The following PTPRS variants were observed in gnomAD, a reference collection of about 807,000 sequenced individuals.
The protein encoded by PTPRS is receptor-type tyrosine-protein phosphatase S.
Under a neutral mutation model 215.3 loss-of-function variants are expected in PTPRS, and 63 were observed. The observed-to-expected ratio is 0.29, with a 90% CI of 0.24 to 0.36. The LOEUF (loss-of-function observed/expected upper bound fraction) is 0.36, where lower values mean the gene tolerates loss of function less well. PTPRS is among the 10% of genes least tolerant of loss of function. The pLI, the probability that PTPRS is intolerant of heterozygous loss-of-function variation, is 1.00. For synonymous variants in PTPRS, 1,404 were observed against 1,191.4 expected (o/e 1.18, Z -3.68); for missense variants, 2,258 against 2,825.8 (o/e 0.80, Z 4.56).
chr19:5,318,492 T>C (rs1339884902), intron 1 of PTPRS, among the ~76,000 whole-genome samples: 1 of 152,120 alleles, frequency 6.6e-6, no homozygotes, highest in Non-Finnish European at 1.5e-5. Context: ...GTGACTCGAC[T>C]CTCTAGGCCT....
chr19:5,220,266 C>T lies in PTPRS; in HGVS notation c.3543G>A (p.Leu1181=), dbSNP rs1416005666. The T allele has an allele frequency of 6.2e-7, 1 of 1,613,844 alleles. No homozygotes were observed. Among genetic ancestry groups the T allele is most frequent in the Non-Finnish European group, 8.5e-7 (1 of 1,179,938 alleles). Residue 1181 remains leucine, a synonymous_variant, in exon 21 of 38, where the codon CTG becomes CTA. Coordinates refer to ENST00000262963, the MANE Select transcript of PTPRS (RefSeq NM_002850.4). ...TTGGGCCCCAGGCCCTCACCTCTTCCAGATCCATGTCCTCTGGGCTACCCA... is the reference window on the plus strand; with the variant it reads ...TTGGGCCCCAGGCCCTCACCTCTTCTAGATCCATGTCCTCTGGGCTACCCA... ...TPLGSPEDMD[L]EELIQDISRL... is the part of the protein sequence containing the mutation.
At chr19:5,329,763 T>TC (rs1326008313) in intron 1 of PTPRS, among the ~76,000 whole-genome samples, 44 of 135,690 alleles carry the variant, frequency 3.2e-4, no homozygotes, top group African/African-American at 1.1e-3. Flanking sequence ...ACACTCCATC[T>TC]CCTAAAAAAA....
At chr19:5,334,605 A>G (rs2050433538) in intron 1 of PTPRS, among the ~76,000 whole-genome samples, 2 of 152,206 alleles carry the variant, frequency 1.3e-5, no homozygotes. Context: ...AAAGGCAGTC[A>G]AGAGCCCTGG....
rs750328641 is a variant in PTPRS, at chr19:5,274,184, C to T, written c.237+15G>A. 6.2e-7 allele frequency: 1 copy of T among 1,602,576 alleles called. No individual in the cohort carries two copies. The highest frequency in any genetic ancestry group is 2.2e-5 in the East Asian group (1 of 44,462). ...GAGCATTGACCCCAGGCTGCCTCCCCCTACCCCAACTCACCTCAAAGCGCT... is the reference window on the plus strand; with the variant it reads ...GAGCATTGACCCCAGGCTGCCTCCCTCTACCCCAACTCACCTCAAAGCGCT... On this transcript the variant is annotated intron_variant, in intron 3 of 37. Coordinates refer to ENST00000262963, the MANE Select transcript of PTPRS (RefSeq NM_002850.4).
Position 5,276,217 on chromosome 19 carries a change from G to GT in PTPRS, c.92-1874dup, listed in dbSNP as rs750825913. On this transcript the variant is annotated intron_variant, in intron 2 of 37. Transcript: ENST00000262963. ...CTGCAATAAAGCCTGGAGTAGGAGTGTTTTTGTTTTTGTTTTTGTTTTTTG... is the reference window on the plus strand; with the variant it reads ...CTGCAATAAAGCCTGGAGTAGGAGTGTTTTTTGTTTTTGTTTTTGTTTTTTG... 4.6e-5 allele frequency among the ~76,000 whole-genome samples: 5 copies of GT among 108,252 alleles called. No individual in the cohort carries two copies. The South Asian group carries it at 7.8e-4, about 17-fold the overall frequency. The allele number at this position is 108,252 out of a possible 152,430, so 71.0% of individuals were successfully genotyped here. A position where few individuals can be genotyped will look rare whatever the true frequency, so the allele number is the denominator to read the frequency against.
chr19:5,271,887 C>T (rs1021809013), intron 4 of PTPRS, among the ~76,000 whole-genome samples: 1 of 150,808 alleles, frequency 6.6e-6, no homozygotes, highest in Non-Finnish European at 1.5e-5. Context: ...ACCTCACCCA[C>T]CTAATTTTTG....
At position 5,257,456 on chromosome 19, in the gene PTPRS, A is replaced by G. The variant is rs2045649186; in HGVS notation, c.706+561T>C. ...CGGAGAGTCATTAGGAAGAGGCAGA[A>G]GGCGCCGGGCTCCGGACCAGCTGGT... On this transcript the variant is annotated intron_variant, in intron 8 of 37. Transcript: ENST00000262963. This position sits in a 1 kb window ranked among gnomAD's most constrained non-coding sequence, Gnocchi z 4.4. The G allele has an allele frequency of 8.7e-6, 4 of 458,038 alleles. No homozygotes were observed. The highest frequency in any genetic ancestry group is 1.8e-5 in the Non-Finnish European group (4 of 227,914). The allele number at this position is 458,038 out of a possible 1,614,324, so 28.4% of individuals were successfully genotyped here. A position where few individuals can be genotyped will look rare whatever the true frequency, so the allele number is the denominator to read the frequency against.
rs780731358 is a variant in PTPRS, at chr19:5,210,539, A to G, written c.5417T>C (p.Val1806Ala). 6.2e-7 allele frequency: 1 copy of G among 1,614,192 alleles called. No individual in the cohort carries two copies. The highest frequency in any genetic ancestry group is 2.2e-5 in the East Asian group (1 of 44,874). ...GTTGTATTCTGCCATCGGATCTACC[A>G]CAAAGTACTGGTAGCGGGCAGAGCG... ...AERSARYQYF[V>A]VDPMAEYNMP... The change falls in exon 35 of 38, where the codon GTG becomes GCG. Residue 1806 changes from valine to alanine, a missense_variant. By Grantham distance (64) the Val-to-Ala change is moderately conservative (BLOSUM62 0). Around this residue, in one of 6 missense-constraint regions of PTPRS, gnomAD observed 927 missense variants for 1,125.9 expected, o/e 0.82. Transcript: ENST00000262963. The surrounding 1 kb of genome is among the most constrained non-coding windows in gnomAD (Gnocchi z 4.5).
chr19:5,207,814 C>A, intron 37 of PTPRS, 108 bp downstream of exon 37: 3 of 1,500,678 alleles, frequency 2.0e-6, no homozygotes, highest in Non-Finnish European at 2.7e-6. Context: ...CCCACAGTGA[C>A]CCAGAGAGTC....
At chr19:5,289,500 G>A (rs2048635256) in intron 1 of PTPRS, among the ~76,000 whole-genome samples, 1 of 152,106 alleles carries the variant, frequency 6.6e-6, no homozygotes, top group Admixed American at 6.6e-5. Flanking sequence ...GCTCCCACCT[G>A]CCTCGGGGTC....
intron 1 of PTPRS, among the ~76,000 whole-genome samples, chr19:5,334,755 CT>C (rs752568096): frequency 6.6e-6 from 1 of 152,176 alleles, no homozygotes; most frequent in Non-Finnish European, 1.5e-5. Flanking sequence ...CAGCCAACAG[CT>C]TGTGGGCTGT....
At chr19:5,326,420 A>G (rs2050167600) in intron 1 of PTPRS, among the ~76,000 whole-genome samples, 1 of 152,168 alleles carries the variant, frequency 6.6e-6, no homozygotes, top group African/African-American at 2.4e-5. Flanking sequence ...CTCTCACCAC[A>G]TTTATTTTTA....
At chr19:5,317,030 C>T (rs2049895720) in intron 1 of PTPRS, among the ~76,000 whole-genome samples, 1 of 152,208 alleles carries the variant, frequency 6.6e-6, no homozygotes, top group African/African-American at 2.4e-5. Flanking sequence ...TCCTGCTCAC[C>T]CTCCCATGGC....
intron 1 of PTPRS, among the ~76,000 whole-genome samples, chr19:5,307,646 C>T (rs1320634944): frequency 6.6e-6 from 1 of 152,124 alleles, no homozygotes; most frequent in Non-Finnish European, 1.5e-5. Flanking sequence ...TCTTCAAAAC[C>T]GTAGCCACGA....
intron 8 of PTPRS, among the ~76,000 whole-genome samples, chr19:5,256,743 C>T (rs1192031756): frequency 2.0e-5 from 3 of 152,078 alleles, no homozygotes; most frequent in East Asian, 3.9e-4. Context: ...ACACCCACAT[C>T]CCCATCCCCT....
At chr19:5,214,845 C>T in intron 28 of PTPRS, 109 bp from the exon 29 acceptor site, 1 of 1,141,176 alleles carries the variant, frequency 8.8e-7, no homozygotes, top group Non-Finnish European at 1.2e-6. Flanking sequence ...CAGATTGTCC[C>T]CAAGGTGACC....
chr19:5,210,548 T>A lies in PTPRS; in HGVS notation c.5408A>T (p.Gln1803Leu). ...YWPAERSARY[Q>L]YFVVDPMAEY... ...TGCCATCGGATCTACCACAAAGTAC[T>A]GGTAGCGGGCAGAGCGCTCGGCCGG... Residue 1803 changes from glutamine to leucine, a missense_variant, in exon 35 of 38, where the codon CAG becomes CTG. Transcript: ENST00000262963. The surrounding 1 kb of genome is among the most constrained non-coding windows in gnomAD (Gnocchi z 4.5). The A allele has an allele frequency of 6.2e-7, 1 of 1,614,186 alleles. No individual in the cohort carries two copies. Among genetic ancestry groups the A allele is most frequent in the Non-Finnish European group, 8.5e-7 (1 of 1,180,030 alleles).
chr19:5,254,573 G>GA (rs1449087070), intron 9 of PTPRS, among the ~76,000 whole-genome samples: 1 of 152,174 alleles, frequency 6.6e-6, no homozygotes, highest in African/African-American at 2.4e-5. Context: ...AAGAGAAGCA[G>GA]AGGGAGAGTT....
intron 2 of PTPRS, among the ~76,000 whole-genome samples, chr19:5,282,758 C>G (rs542401577): frequency 6.7e-6 from 1 of 149,340 alleles, no homozygotes; most frequent in African/African-American, 2.5e-5. Flanking sequence ...GAGCCGAGAT[C>G]GAGCCTGGGC....
Sources: gnomAD v4.1 joint callset for allele counts (sites outside exome capture counted in the v4.1 genomes callset) on GRCh38, gnomAD v4.1.1 for gene constraint, gnomAD v4.1.1 regional missense constraint, Gnocchi (gnomAD v3.1) non-coding constraint, MANE v1.5 for transcripts, NCBI Gene and HGNC (gene_info 2026-07-23, HGNC 2026-07-21) for gene names.